The following PTPRG variants were observed in gnomAD, a reference collection of about 807,000 sequenced individuals.
PTPRG encodes receptor-type tyrosine-protein phosphatase gamma.
In PTPRG, 102 loss-of-function variants were observed where a neutral mutation model predicts 165.3. That is an observed-to-expected ratio of 0.62 (90% confidence interval 0.53 to 0.73). The LOEUF is 0.73. Among genes scored for constraint, PTPRG ranks in the 30% least tolerant of loss-of-function variants. The probability of loss-of-function intolerance (pLI) is 0.00; values close to 1 mark genes in which losing one functional copy is unlikely to be tolerated. For missense variants in PTPRG, 1,866 were observed against 1,861.4 expected (o/e 1.00, Z -0.05); for synonymous variants, 675 against 669.5 (o/e 1.01, Z -0.13).
At chr3:62,076,280 C>CTA (rs1701382066) in intron 4 of PTPRG, among the ~76,000 whole-genome samples, 1 of 151,896 alleles carries the variant, frequency 6.6e-6, no homozygotes, top group African/African-American at 2.4e-5. Flanking sequence ...AAATGAGACC[C>CTA]TATCTTAGAA....
intron 1 of PTPRG, among the ~76,000 whole-genome samples, chr3:61,637,602 G>T (rs997828689): frequency 6.6e-6 from 1 of 152,170 alleles, no homozygotes; most frequent in East Asian, 1.9e-4. Flanking sequence ...AGTTTCAGAC[G>T]GAAGCGAAGT....
At chr3:61,698,764 G>A (rs775474373) in intron 1 of PTPRG, among the ~76,000 whole-genome samples, 3 of 151,928 alleles carry the variant, frequency 2.0e-5, no homozygotes, top group Non-Finnish European at 4.4e-5. Flanking sequence ...TACAACCATA[G>A]CATGTTAACA....
intron 2 of PTPRG, among the ~76,000 whole-genome samples, chr3:61,793,383 A>G (rs2034947794): frequency 6.6e-6 from 1 of 152,124 alleles, no homozygotes; most frequent in African/African-American, 2.4e-5. Flanking sequence ...CCCAAACAGA[A>G]TTTATCTTCT....
intron 4 of PTPRG, among the ~76,000 whole-genome samples, chr3:62,050,995 A>G (rs1700452083): frequency 6.6e-6 from 1 of 152,316 alleles, no homozygotes; most frequent in South Asian, 2.1e-4. Context: ...CTTTTCTTCT[A>G]AGGGAAGGAA....
intron 2 of PTPRG, among the ~76,000 whole-genome samples, chr3:61,887,170 A>ATATT (rs60282456): frequency 2.0e-4 from 23 of 115,526 alleles, no homozygotes; most frequent in Admixed American, 7.4e-4. Context: ...ATATATATAT[A>ATATT]TTTTTAATGC....
chr3:61,726,336 A>G (rs534550043), intron 1 of PTPRG, among the ~76,000 whole-genome samples: 1 of 152,278 alleles, frequency 6.6e-6, no homozygotes, highest in South Asian at 2.1e-4. Context: ...CAGCATTGAT[A>G]GAGAGATGTA....
At chr3:62,281,538 C>CTTTTTTATTTTTTTTTTTTTTTTTTTTTT (rs1702442112) in intron 26 of PTPRG, 25 bp from the exon 27 acceptor site, 1 of 497,854 alleles carries the variant, frequency 2.0e-6, no homozygotes, top group African/African-American at 3.7e-5. Context: ...ACTGCAGAGG[C>CTTTTTTATTTTTTTTTTTTTTTTTTTTTT]TTTTTTTTTT....
At chr3:61,985,865 C>A (rs2040746732) in intron 2 of PTPRG, among the ~76,000 whole-genome samples, 1 of 152,118 alleles carries the variant, frequency 6.6e-6, no homozygotes, top group Non-Finnish European at 1.5e-5. Flanking sequence ...CTTTGCTGGG[C>A]TTGTTAAATT....
chr3:61,697,771 C>T (rs2030692174), intron 1 of PTPRG, among the ~76,000 whole-genome samples: 1 of 152,154 alleles, frequency 6.6e-6, no homozygotes, highest in Non-Finnish European at 1.5e-5. Flanking sequence ...TTCCCTTTCC[C>T]CTATGAAAAG....
At chr3:61,692,799 A>T (rs139412296) in intron 1 of PTPRG, among the ~76,000 whole-genome samples, 43 of 152,292 alleles carry the variant, frequency 2.8e-4, no homozygotes, top group Admixed American at 1.6e-3. Flanking sequence ...CAGTTAAGGC[A>T]GGAACCGGCC....
chr3:61,877,746 C>A (rs2037782711), intron 2 of PTPRG, among the ~76,000 whole-genome samples: 1 of 152,072 alleles, frequency 6.6e-6, no homozygotes, highest in African/African-American at 2.4e-5. Context: ...AAAATGCATG[C>A]TAGTTGGTAA....
At chr3:61,732,859 G>A (rs1413987678) in intron 1 of PTPRG, among the ~76,000 whole-genome samples, 1 of 152,162 alleles carries the variant, frequency 6.6e-6, no homozygotes, top group Non-Finnish European at 1.5e-5. Flanking sequence ...TGCCTGCGTG[G>A]AACATTCCCT....
At chr3:61,971,565 A>G (rs541611799) in intron 2 of PTPRG, among the ~76,000 whole-genome samples, 1 of 152,380 alleles carries the variant, frequency 6.6e-6, no homozygotes, top group East Asian at 1.9e-4. Context: ...AAAGGAAATT[A>G]GAGGTTGATG....
intron 2 of PTPRG, among the ~76,000 whole-genome samples, chr3:61,797,581 A>ACC (rs10541580): frequency 2.4e-4 from 30 of 127,446 alleles, no homozygotes; most frequent in South Asian, 8.6e-4. Flanking sequence ...TTATCTCCAC[A>ACC]CCCCCCCCCA....
intron 4 of PTPRG, among the ~76,000 whole-genome samples, chr3:62,005,518 A>C (rs2041275560): frequency 6.6e-6 from 1 of 151,978 alleles, no homozygotes; most frequent in Admixed American, 6.6e-5. Context: ...TGGACAAAAG[A>C]CCTGTCCTGA....
chr3:61,892,776 AT>A (rs559427948), intron 2 of PTPRG, among the ~76,000 whole-genome samples: 1 of 151,720 alleles, frequency 6.6e-6, no homozygotes, highest in African/African-American at 2.4e-5. Context: ...AGATCGTGTC[AT>A]TGCGCTCCAG....
At chr3:62,098,107 C>T (rs1702175779) in intron 5 of PTPRG, among the ~76,000 whole-genome samples, 1 of 151,966 alleles carries the variant, frequency 6.6e-6, no homozygotes, top group African/African-American at 2.4e-5. Flanking sequence ...AGTTTAATAT[C>T]AATTTACTCT....
intron 4 of PTPRG, among the ~76,000 whole-genome samples, chr3:62,067,006 C>A (rs1351324861): frequency 2.7e-5 from 4 of 147,012 alleles, no homozygotes; most frequent in African/African-American, 7.6e-5. Context: ...CCACTGCACT[C>A]CAGCTTGGCG....
intron 2 of PTPRG, among the ~76,000 whole-genome samples, chr3:61,922,803 G>T (rs1575788152): frequency 6.6e-6 from 1 of 152,132 alleles, no homozygotes; most frequent in East Asian, 1.9e-4. Flanking sequence ...ACCATACCTG[G>T]CTAATTTTTG....
Sources: gnomAD v4.1 joint callset for allele counts (sites outside exome capture counted in the v4.1 genomes callset) on GRCh38, gnomAD v4.1.1 for gene constraint, MANE v1.5 for transcripts, NCBI Gene and HGNC (gene_info 2026-07-23, HGNC 2026-07-21) for gene names.